The following CLVS1 variants were observed in gnomAD, a reference collection of about 807,000 sequenced individuals.
CLVS1 encodes the protein clavesin 1.
A neutral mutation model predicts 33.1 loss-of-function variants in CLVS1; 10 were observed. That is an observed-to-expected ratio of 0.30 (90% CI 0.19 to 0.51). The LOEUF (loss-of-function observed/expected upper bound fraction) is 0.51. Among genes scored for constraint, CLVS1 ranks in the 20% least tolerant of loss-of-function variants. The pLI is 0.97. For missense variants in CLVS1, 343 were observed against 433.4 expected, an observed-to-expected ratio of 0.79 and a Z score of 1.85; for synonymous variants, 163 against 166.1, an observed-to-expected ratio of 0.98 and a Z score of 0.14.
intron 2 of CLVS1, among the ~76,000 whole-genome samples, chr8:61,182,250 C>T (rs964146031): frequency 2.0e-5 from 3 of 152,076 alleles, no homozygotes; most frequent in Admixed American, 6.6e-5. Context: ...CCAGGCAATA[C>T]CATTCAGGAC....
chr8:61,234,111 G>A (rs562628429), intron 2 of CLVS1, among the ~76,000 whole-genome samples: 16 of 152,258 alleles, frequency 1.1e-4, no homozygotes, highest in African/African-American at 3.8e-4. Flanking sequence ...AGGAGGGTAG[G>A]GGGGCCAGCT....
At chr8:60,980,631 C>A in the CLVS1 span, among the ~76,000 whole-genome samples, 1 of 152,190 alleles carries the variant, frequency 6.6e-6, no homozygotes, top group East Asian at 1.9e-4. Context: ...ACTAAAAATA[C>A]AAAAATTAGC....
chr8:61,135,183 C>A (rs1806170198), intron 2 of CLVS1, among the ~76,000 whole-genome samples: 1 of 151,560 alleles, frequency 6.6e-6, no homozygotes, highest in African/African-American at 2.4e-5. Context: ...TATATGGCAG[C>A]CAGGAGAGAT....
the CLVS1 span, among the ~76,000 whole-genome samples, chr8:60,984,587 C>T: frequency 6.6e-6 from 1 of 152,156 alleles, no homozygotes; most frequent in African/African-American, 2.4e-5. Flanking sequence ...CTCAGCCTCC[C>T]AAAGTGCTAG....
At chr8:61,315,432 CCAT>C (rs1810976062) in intron 2 of CLVS1, among the ~76,000 whole-genome samples, 1 of 152,118 alleles carries the variant, frequency 6.6e-6, no homozygotes, top group Non-Finnish European at 1.5e-5. Flanking sequence ...GCCACTGGGC[CCAT>C]TCCCTTTGGT....
chr8:61,016,342 G>C, the CLVS1 span, among the ~76,000 whole-genome samples: 234 of 152,290 alleles, frequency 1.5e-3, no homozygotes, highest in African/African-American at 5.4e-3. Context: ...GAGGCCCCAC[G>C]ACCCAAAGTG....
chr8:61,479,070 C>A (rs149210750), intron 5 of CLVS1, among the ~76,000 whole-genome samples: 2,781 of 152,208 alleles, frequency 0.018, 78 homozygotes, highest in African/African-American at 0.063. Context: ...TTGAGTTGCT[C>A]TTCTCGTGGA....
At chr8:61,337,049 G>C (rs1811832989) in intron 2 of CLVS1, among the ~76,000 whole-genome samples, 1 of 152,170 alleles carries the variant, frequency 6.6e-6, no homozygotes, top group Non-Finnish European at 1.5e-5. Flanking sequence ...TCATTTCTCA[G>C]ACTGAATGCT....
chr8:61,490,922 C>T (rs1057451244), intron 5 of CLVS1, among the ~76,000 whole-genome samples: 2 of 150,470 alleles, frequency 1.3e-5, no homozygotes, highest in African/African-American at 2.4e-5. Flanking sequence ...GATCGCACCA[C>T]TGCACTCCAG....
chr8:61,482,494 T>G (rs144211368), intron 5 of CLVS1, among the ~76,000 whole-genome samples: 3,230 of 151,894 alleles, frequency 0.021, 123 homozygotes, highest in African/African-American at 0.074. Flanking sequence ...GAATAAACAG[T>G]GTAGAGAAGT....
At chr8:61,169,352 C>T (rs1227273437) in intron 2 of CLVS1, among the ~76,000 whole-genome samples, 1 of 152,084 alleles carries the variant, frequency 6.6e-6, no homozygotes, top group Non-Finnish European at 1.5e-5. Flanking sequence ...TCTAAAAGTT[C>T]CTTTACCTAA....
intron 2 of CLVS1, among the ~76,000 whole-genome samples, chr8:61,212,324 G>A (rs540685185): frequency 1.3e-5 from 2 of 152,310 alleles, no homozygotes; most frequent in South Asian, 4.1e-4. Flanking sequence ...AGGCAGTGAG[G>A]TGGCGGGGGA....
At chr8:61,286,168 A>G (rs982396179), upstream of CLVS1, among the ~76,000 whole-genome samples, 1 of 152,098 alleles carries the variant, frequency 6.6e-6, no homozygotes, top group African/African-American at 2.4e-5. Context: ...TGAAATGAAG[A>G]GGGGGCTAAG....
At chr8:61,238,105 G>C (rs1338413162) in intron 2 of CLVS1, among the ~76,000 whole-genome samples, 2 of 152,176 alleles carry the variant, frequency 1.3e-5, no homozygotes, top group Admixed American at 1.3e-4. Flanking sequence ...ACAGCAGGGG[G>C]TCCTATAGAA....
chr8:61,079,578 A>G (rs1368083694), intron 1 of CLVS1, among the ~76,000 whole-genome samples: 5 of 152,210 alleles, frequency 3.3e-5, no homozygotes, highest in Admixed American at 2.0e-4. Context: ...GGTCCTCCCA[A>G]GTCAAATGAA....
At chr8:60,971,073 T>C in the CLVS1 span, among the ~76,000 whole-genome samples, 3 of 39,834 alleles carry the variant, frequency 7.5e-5, no homozygotes, top group African/African-American at 3.5e-4. Flanking sequence ...GACTTTTCCT[T>C]TTTTTTTTTT....
chr8:60,978,785 G>A, the CLVS1 span, among the ~76,000 whole-genome samples: 1 of 125,122 alleles, frequency 8.0e-6, no homozygotes, highest in East Asian at 2.8e-4. Flanking sequence ...ACTCCAGCCT[G>A]TGTGACAGAG....
intron 5 of CLVS1, among the ~76,000 whole-genome samples, chr8:61,467,497 G>T (rs1817588966): frequency 6.6e-6 from 1 of 152,294 alleles, no homozygotes; most frequent in East Asian, 1.9e-4. Context: ...TGGCCAGGGA[G>T]AGGGTGCGTT....
chr8:61,169,413 C>T (rs1270352667), intron 2 of CLVS1, among the ~76,000 whole-genome samples: 3 of 152,094 alleles, frequency 2.0e-5, no homozygotes, highest in African/African-American at 7.2e-5. Flanking sequence ...AAAGCCCCTC[C>T]CTAGAAATCT....
Sources: allele counts gnomAD v4.1 joint callset (sites outside exome capture counted in the v4.1 genomes callset), GRCh38; gene constraint gnomAD v4.1.1; transcripts MANE v1.5; gene names NCBI Gene and HGNC (gene_info 2026-07-23, HGNC 2026-07-21).